Variants in SPEF2 observed in about 807,000 individuals in gnomAD.
The protein encoded by SPEF2 is sperm flagellar and cilia associated 2.
Under a neutral mutation model 224.6 loss-of-function variants are expected in SPEF2, and 187 were observed. That is an observed-to-expected ratio of 0.83 (90% CI 0.74 to 0.94). The LOEUF (loss-of-function observed/expected upper bound fraction) is 0.94, where lower values mean the gene tolerates loss of function less well. Ranked by LOEUF, SPEF2 falls within the 40% of genes least tolerant of loss-of-function variation. SPEF2 has a pLI of 0.00. For missense variants in SPEF2, 2,170 were observed against 2,135.6 expected, an observed-to-expected ratio of 1.02 and a Z score of -0.32; for synonymous variants, 715 against 707.3, an observed-to-expected ratio of 1.01 and a Z score of -0.17.
chr5:35,774,892 C>T (rs1169217087), intron 28 of SPEF2, among the ~76,000 whole-genome samples: 1 of 152,186 alleles, frequency 6.6e-6, no homozygotes, highest in Non-Finnish European at 1.5e-5. Flanking sequence ...TGGCATCAGG[C>T]AAGTCCAGGA....
chr5:35,744,790 T>C (rs1287776565), intron 23 of SPEF2, among the ~76,000 whole-genome samples: 1 of 152,110 alleles, frequency 6.6e-6, no homozygotes, highest in Non-Finnish European at 1.5e-5. Context: ...TGGATCATCA[T>C]GGCAGACAGG....
chr5:35,710,066 A>C (rs1418850505), intron 19 of SPEF2: 1 of 983,522 alleles, frequency 1.0e-6, no homozygotes, highest in Non-Finnish European at 1.2e-6. Context: ...TGATATATTA[A>C]AGACCATTCT....
intron 23 of SPEF2, among the ~76,000 whole-genome samples, chr5:35,751,051 ATATACG>A (rs1749454372): frequency 3.5e-5 from 2 of 56,500 alleles, no homozygotes; most frequent in African/African-American, 1.2e-4. Context: ...ATGTATATAT[ATATACG>A]TATATATATG....
At chr5:35,620,959 A>G (rs1262802401) in intron 1 of SPEF2, among the ~76,000 whole-genome samples, 1 of 152,220 alleles carries the variant, frequency 6.6e-6, no homozygotes, top group Non-Finnish European at 1.5e-5. Flanking sequence ...GGAAGGATAT[A>G]AACAAGTGTG....
At chr5:35,635,897 T>G (rs1170044983) in intron 2 of SPEF2, among the ~76,000 whole-genome samples, 1 of 152,176 alleles carries the variant, frequency 6.6e-6, no homozygotes, top group Admixed American at 6.5e-5. Flanking sequence ...TTTCCTTTCT[T>G]TAACATATTT....
chr5:35,670,284 A>G, intron 10 of SPEF2, 57 bp downstream of exon 10: 1 of 1,518,220 alleles, frequency 6.6e-7, no homozygotes, highest in Non-Finnish European at 8.8e-7. Context: ...TTTCTTTAAC[A>G]TTAATTTTGT....
chr5:35,758,795 CAGG>C lies in SPEF2; in HGVS notation c.3469-770_3469-768del, dbSNP rs1176561626. ...CCGAGGTGGACAGATCTCCTGAGGT[CAGG>C]AGTTCGAAACCAGCCTGGCCAACAT... On this transcript the variant is annotated intron_variant, in intron 24 of 36. Coordinates refer to ENST00000356031, the MANE Select transcript of SPEF2 (RefSeq NM_024867.4). Among the ~76,000 whole-genome samples, 6 of 152,138 alleles carry C rather than the reference CAGG, an allele frequency of 3.9e-5. No homozygotes were observed. The East Asian group carries it at 1.2e-3, about 29-fold the overall frequency.
chr5:35,674,647 G>C (rs533426752), intron 10 of SPEF2, among the ~76,000 whole-genome samples: 1 of 150,542 alleles, frequency 6.6e-6, no homozygotes, highest in South Asian at 2.1e-4. Context: ...TTATCCTTGC[G>C]ATAGTTTGCT....
chr5:35,780,330 G>A (rs903240823), intron 30 of SPEF2, among the ~76,000 whole-genome samples: 10 of 152,090 alleles, frequency 6.6e-5, no homozygotes, highest in Admixed American at 5.2e-4. Context: ...CTCTAAGTCC[G>A]AAAGCTTCCT....
At chr5:35,683,169 A>G (rs1753075393) in intron 10 of SPEF2, among the ~76,000 whole-genome samples, 1 of 152,192 alleles carries the variant, frequency 6.6e-6, no homozygotes, top group Non-Finnish European at 1.5e-5. Context: ...CTCCTACAAC[A>G]GGATATAGAG....
At chr5:35,644,680 C>T (rs915667661) in intron 4 of SPEF2, among the ~76,000 whole-genome samples, 155 bp downstream of exon 4, 12 of 150,306 alleles carry the variant, frequency 8.0e-5, no homozygotes, top group African/African-American at 2.7e-4. Context: ...CTTTCTCTCT[C>T]TCCCCTGCTC....
At position 35,723,375 on chromosome 5, in the gene SPEF2, C is replaced by T. The variant is rs531117733; in HGVS notation, c.2915-4300C>T. Among the ~76,000 whole-genome samples, 29 of 152,232 alleles carry T rather than the reference C, an allele frequency of 1.9e-4. 1 individual carries two copies. In the South Asian group the frequency reaches 5.6e-3, roughly 30 times the overall value. ...AGAAATATAGATACTCAGCCCCACC[C>T]GAGACCTACTAAATCTGAAATTCCA... On this transcript the variant is annotated intron_variant, in intron 20 of 36. Coordinates refer to ENST00000356031, the MANE Select transcript of SPEF2 (RefSeq NM_024867.4).
At chr5:35,650,300 C>T (rs1747999701) in intron 6 of SPEF2, among the ~76,000 whole-genome samples, 1 of 152,090 alleles carries the variant, frequency 6.6e-6, no homozygotes, top group Non-Finnish European at 1.5e-5. Flanking sequence ...TCCTCCTACC[C>T]TCTGCAGAAA....
chr5:35,771,826 C>T, intron 27 of SPEF2, 70 bp downstream of exon 27: 1 of 1,519,514 alleles, frequency 6.6e-7, no homozygotes, highest in Non-Finnish European at 8.8e-7. Flanking sequence ...GAGCATTTAA[C>T]TGGACACATT....
chr5:35,667,055 T>A lies in SPEF2; in HGVS notation c.1168-17T>A. ...ATTCAATTATAGTGACTTAAAAATA[T>A]GTTTTTGCCTTTTTAGGCTTTGGCA... On this transcript the variant is annotated splice_polypyrimidine_tract_variant and intron_variant, in intron 8 of 36. Transcript: ENST00000356031. The A allele has an allele frequency of 6.3e-7, 1 of 1,581,490 alleles. No individual in the cohort carries two copies. The highest frequency in any genetic ancestry group is 8.5e-7 in the Non-Finnish European group (1 of 1,169,860).
Position 35,695,713 on chromosome 5 carries a change from T to G in SPEF2, c.1976-22T>G, listed in dbSNP as rs777378858. ...AGGTGTAAATACCAGAAATTTGTTC[T>G]TACCACTTTTCCTATTGCTAGGTGC... is the stretch of plus-strand genomic sequence containing the variant. On this transcript the variant is annotated intron_variant, in intron 13 of 36. Transcript: ENST00000356031. 7 of 1,599,522 alleles carry G rather than the reference T, an allele frequency of 4.4e-6. No individual in the cohort carries two copies. In the South Asian group the frequency reaches 7.9e-5, roughly 18 times the overall value.
In SPEF2 at chr5:35,704,650, A is replaced by G. The variant is rs758263052; in HGVS notation, c.2495A>G (p.Gln832Arg). 6.2e-7 allele frequency: 1 copy of G among 1,601,826 alleles called. No homozygotes were observed. The highest frequency in any genetic ancestry group is 8.6e-7 in the Non-Finnish European group (1 of 1,169,496). Residue 832 changes from glutamine to arginine, a missense_variant, in exon 17 of 37, where the codon CAG becomes CGG. By Grantham distance (43) the Gln-to-Arg change is conservative (BLOSUM62 1). Transcript: ENST00000356031. ...GATGGAGACCAAAATTTAAGAGACCAGATACAACATAGGTTAGTTTTTAAC... is the reference window on the plus strand; with the variant it reads ...GATGGAGACCAAAATTTAAGAGACCGGATACAACATAGGTTAGTTTTTAAC... The part of the protein sequence containing the change: ...DKDGDQNLRD[Q>R]IQHRIIGFLD...
At chr5:35,760,399 A>G (rs1195473268) in intron 25 of SPEF2, among the ~76,000 whole-genome samples, 1 of 151,930 alleles carries the variant, frequency 6.6e-6, no homozygotes, top group African/African-American at 2.4e-5. Context: ...TAACACTTTT[A>G]TGAAAGGACC....
At chr5:35,618,324 C>T (rs1742961005) in intron 1 of SPEF2, among the ~76,000 whole-genome samples, 1 of 152,170 alleles carries the variant, frequency 6.6e-6, no homozygotes, top group East Asian at 1.9e-4. Context: ...TCACGGTGGG[C>T]CCAACCCGCA....
Sources: allele counts gnomAD v4.1 joint callset (sites outside exome capture counted in the v4.1 genomes callset), GRCh38; gene constraint gnomAD v4.1.1; transcripts MANE v1.5; gene names NCBI Gene and HGNC (gene_info 2026-07-23, HGNC 2026-07-21).